The following FUBP1 variants were observed in gnomAD, a reference collection of about 807,000 sequenced individuals.
The protein encoded by FUBP1 is far upstream element-binding protein 1.
A neutral mutation model predicts 94.9 loss-of-function variants in FUBP1; 16 were observed. The observed-to-expected ratio is 0.17, with a 90% CI of 0.11 to 0.26. The LOEUF is 0.26. FUBP1 is among the 10% of genes least tolerant of loss of function. The pLI is 1.00. For missense variants in FUBP1, 583 were observed against 808.6 expected (o/e 0.72, Z 3.38); for synonymous variants, 279 against 254.9 (o/e 1.09, Z -0.90).
chr1:77,973,478 G>A (rs1001661407), intron 1 of FUBP1, among the ~76,000 whole-genome samples: 4 of 149,846 alleles, frequency 2.7e-5, no homozygotes, highest in South Asian at 2.1e-4. Context: ...ACTCCTGACC[G>A]CAAGTGATCC....
chr1:77,956,751 T>A (rs541602500), intron 16 of FUBP1, 51 bp from the exon 17 acceptor site: 130 of 1,381,612 alleles, frequency 9.4e-5, no homozygotes, highest in Non-Finnish European at 1.1e-4. Context: ...TAATTCTCTC[T>A]CACACACACA....
intron 18 of FUBP1, among the ~76,000 whole-genome samples, chr1:77,954,457 C>G (rs1654066850): frequency 6.6e-6 from 1 of 152,108 alleles, no homozygotes; most frequent in Non-Finnish European, 1.5e-5. Flanking sequence ...AAAAAGAAAC[C>G]AGTTGTGCAA....
rs540475418 is a variant in FUBP1, at chr1:77,962,527, C to T, written c.1344+243G>A. Among the ~76,000 whole-genome samples, 4 of 152,314 alleles carry T rather than the reference C, an allele frequency of 2.6e-5. No homozygotes were observed. The East Asian group carries it at 7.7e-4, about 29-fold the overall frequency. On this transcript the variant is annotated intron_variant, in intron 14 of 19. Transcript: ENST00000370768. ...ACTAATATCATGCCTACAGGTAACA[C>T]TACCCTCCTCTTATCTAGCCACACC...
Position 77,948,518 on chromosome 1 carries a change from T to A in FUBP1, c.*248A>T. The A allele has an allele frequency of 8.1e-7, 1 of 1,238,586 alleles. No homozygotes were observed. The allele number at this position is 1,238,586 out of a possible 1,614,324, so 76.7% of individuals were successfully genotyped here. ...ATCAACCACATAATTGCAAATACAT[T>A]TGCTGGAATGTGTACATCTACACTA... On this transcript the variant is annotated 3_prime_UTR_variant, in exon 20 of 20. Transcript: ENST00000370768.
intron 18 of FUBP1, 98 bp from the exon 19 acceptor site, chr1:77,949,398 C>A: frequency 1.0e-6 from 1 of 975,978 alleles, no homozygotes; most frequent in South Asian, 1.6e-5. Context: ...ATATTTCTCC[C>A]AAGCCTTTGA....
In FUBP1 at chr1:77,947,574, C is replaced by CA; in HGVS notation, c.*1191dup. The CA allele has an allele frequency of 7.5e-7, 1 of 1,338,444 alleles. No homozygotes were observed. The highest frequency in any genetic ancestry group is 1.5e-5 in the African/African-American group (1 of 68,710). The allele number at this position is 1,338,444 out of a possible 1,614,324, so 82.9% of individuals were successfully genotyped here. On this transcript the variant is annotated 3_prime_UTR_variant, in exon 20 of 20. Transcript: ENST00000370768. ...TGCACTTCAACAGACAATGGCAAGACAGACTGTATTTGCATGTAGTCTAAT... is the reference window on the plus strand; with the variant it reads ...TGCACTTCAACAGACAATGGCAAGACAAGACTGTATTTGCATGTAGTCTAAT...
intron 17 of FUBP1, 96 bp downstream of exon 17, chr1:77,956,476 T>C (rs1441701001): frequency 1.6e-6 from 1 of 636,110 alleles, no homozygotes; most frequent in Non-Finnish European, 2.5e-6. Context: ...TATAATTAAA[T>C]AATGTCAGAA....
At chr1:77,966,573 T>C in intron 7 of FUBP1, 121 bp downstream of exon 7, 2 of 653,192 alleles carry the variant, frequency 3.1e-6, no homozygotes, top group South Asian at 3.7e-5. Context: ...GTTGGAGGAC[T>C]TTGAGGGAAG....
At chr1:77,979,110 C>A, upstream of FUBP1, 1 of 1,167,334 alleles carries the variant, frequency 8.6e-7, no homozygotes, top group Non-Finnish European at 1.2e-6. Context: ...CATTCTTGCG[C>A]GACCATCGTG....
At chr1:77,963,993 T>C in intron 12 of FUBP1, 69 bp downstream of exon 12, 1 of 961,818 alleles carries the variant, frequency 1.0e-6, no homozygotes. Flanking sequence ...TAGAGGTAAC[T>C]TCAGATTTCA....
Position 77,966,973 on chromosome 1 carries a change from A to G in FUBP1, c.344-18T>C. 1 of 1,581,374 alleles carries G rather than the reference A, an allele frequency of 6.3e-7. No individual in the cohort carries two copies. The highest frequency in any genetic ancestry group is 8.6e-7 in the Non-Finnish European group (1 of 1,157,034). ...GCCAATTACTAGTTAGAAAAAAAAA[A>G]ATTTTTTTTTTGGTTGAAAGATTCT... On this transcript the variant is annotated intron_variant, in intron 5 of 19. Coordinates refer to ENST00000370768, the MANE Select transcript of FUBP1 (RefSeq NM_003902.5).
At chr1:77,967,195 T>C in intron 4 of FUBP1, 94 bp from the exon 5 acceptor site, 1 of 778,412 alleles carries the variant, frequency 1.3e-6, no homozygotes, top group East Asian at 2.7e-5. Context: ...AAGTCTAATG[T>C]CTCCCAATGG....
At chr1:77,967,771 C>A in intron 3 of FUBP1, 105 bp from the exon 4 acceptor site, 1 of 701,474 alleles carries the variant, frequency 1.4e-6, no homozygotes, top group Non-Finnish European at 2.4e-6. Flanking sequence ...CTCCCTAATG[C>A]ACAGACAACA....
chr1:77,948,803 A>G (rs1425449842), intron 19 of FUBP1, 29 bp from the exon 20 acceptor site: 1 of 1,607,838 alleles, frequency 6.2e-7, no homozygotes, highest in African/African-American at 1.3e-5. Flanking sequence ...TAAGAAATAC[A>G]CAAAAAGTTA....
chr1:77,961,834 T>C (rs1469868234), intron 14 of FUBP1, among the ~76,000 whole-genome samples: 1 of 152,218 alleles, frequency 6.6e-6, no homozygotes, highest in African/African-American at 2.4e-5. Flanking sequence ...CTATCATTAC[T>C]CTACAAACAT....
Position 77,963,567 on chromosome 1 carries a change from A to T in FUBP1, c.1183+7T>A. 6.6e-7 allele frequency: 1 copy of T among 1,524,062 alleles called. No individual in the cohort carries two copies. Among genetic ancestry groups the T allele is most frequent in the Non-Finnish European group, 9.1e-7 (1 of 1,099,472 alleles). The allele number at this position is 1,524,062 out of a possible 1,614,324, so 94.4% of individuals were successfully genotyped here. On this transcript the variant is annotated splice_region_variant and intron_variant, in intron 13 of 19. Coordinates refer to ENST00000370768, the MANE Select transcript of FUBP1 (RefSeq NM_003902.5). ...TGTTAAAACATTAAGAGTTTAAAAT[A>T]CATTGCCTTTTCCTATTATTAATCC...
In FUBP1 at chr1:77,944,815, T is replaced by C. The variant is rs1651811538; in HGVS notation, c.*3951A>G. 6.6e-6 allele frequency among the ~76,000 whole-genome samples: 1 copy of C among 152,070 alleles called. No homozygotes were observed. The highest frequency in any genetic ancestry group is 6.5e-5 in the Admixed American group (1 of 15,268). On this transcript the variant is annotated 3_prime_UTR_variant, in exon 20 of 20. Coordinates refer to ENST00000370768, the MANE Select transcript of FUBP1 (RefSeq NM_003902.5). ...TTACAATGTTTATAAACAACTAGTA[T>C]CAAATTACTAGTTTTAGTATTAAAA...
At chr1:77,965,030 A>G in intron 8 of FUBP1, 39 bp downstream of exon 8, 1 of 1,602,182 alleles carries the variant, frequency 6.2e-7, no homozygotes. Flanking sequence ...TGGGCATCAA[A>G]ACAGATCAAA....
At chr1:77,951,125 C>T (rs1571225759) in intron 18 of FUBP1, among the ~76,000 whole-genome samples, 1 of 152,212 alleles carries the variant, frequency 6.6e-6, no homozygotes, top group African/African-American at 2.4e-5. Context: ...ACAGGGTGCA[C>T]ACTTGAAACC....
Sources: gnomAD v4.1 joint callset for allele counts (sites outside exome capture counted in the v4.1 genomes callset) on GRCh38, gnomAD v4.1.1 for gene constraint, MANE v1.5 for transcripts, NCBI Gene and HGNC (gene_info 2026-07-23, HGNC 2026-07-21) for gene names.